ZBTB46: variants seen among roughly 807,000 people sequenced by gnomAD.
ZBTB46 encodes the protein zinc finger and BTB domain containing 46, also known as zinc finger and BTB domain-containing protein 46.
ZBTB46 carries 8 observed loss-of-function variants against 44.1 expected under a neutral mutation model. That is an observed-to-expected ratio of 0.18 (90% CI 0.11 to 0.33). The LOEUF (loss-of-function observed/expected upper bound fraction) is 0.33. Among genes scored for constraint, ZBTB46 ranks in the 10% least tolerant of loss-of-function variants. ZBTB46 has a pLI of 1.00. For missense variants in ZBTB46, 651 were observed against 847.7 expected (o/e 0.77, Z 2.88); for synonymous variants, 409 against 382.3 (o/e 1.07, Z -0.81).
chr20:63,832,088 GGGGACGAATGGCTCCGGGAGGGGGC>G (rs2146124699), upstream of ZBTB46, among the ~76,000 whole-genome samples: 1 of 151,954 alleles, frequency 6.6e-6, no homozygotes, highest in African/African-American at 2.4e-5. This position sits in a 1 kb window ranked among gnomAD's most constrained non-coding sequence, Gnocchi z 5.0. Flanking sequence ...GTTGTCTGCG[GGGGACGAATGGCTCCGGGAGGGGGC>G]GGGAACCAGC....
Position 63,752,973 on chromosome 20 carries a change from C to T in ZBTB46, c.1223-112G>A. The T allele has an allele frequency of 1.7e-6, 2 of 1,204,580 alleles. No homozygotes were observed. Among genetic ancestry groups the T allele is most frequent in the Admixed American group, 2.6e-5 (1 of 39,192 alleles). The allele number at this position is 1,204,580 out of a possible 1,614,324, so 74.6% of individuals were successfully genotyped here. The stretch of plus-strand genomic sequence containing the variant: ...AGCAGCCAGGACGGGCTGTCTCCCA[C>T]GGCCACCCACTGGGGGCTGGTCAGC... On this transcript the variant is annotated intron_variant, in intron 3 of 4. Transcript: ENST00000245663. The surrounding 1 kb of genome is among the most constrained non-coding windows in gnomAD (Gnocchi z 5.6).
At position 63,775,766 on chromosome 20, in the gene ZBTB46, G is replaced by A. The variant is rs757077443; in HGVS notation, c.1134C>T (p.Asn378=). The A allele has an allele frequency of 5.0e-6, 8 of 1,613,322 alleles. No individual in the cohort carries two copies. In the South Asian group the frequency reaches 5.5e-5, roughly 11 times the overall value. ...CGTCGGCCTTCAGCGACAGCAGGCT[G>A]TTCTTACTCATGAGCGCCGCGCGCA... ...ANLRAALMSK[N]SLLSLKADVL... Residue 378 remains asparagine, a synonymous_variant, in exon 3 of 5, where the codon AAC becomes AAT. Transcript: ENST00000245663.
At chr20:63,810,894 A>G (rs2092713850) in intron 1 of ZBTB46, among the ~76,000 whole-genome samples, 1 of 152,168 alleles carries the variant, frequency 6.6e-6, no homozygotes, top group Non-Finnish European at 1.5e-5. Context: ...CTCTTTCCTC[A>G]CTCCTACGAG....
intron 1 of ZBTB46, among the ~76,000 whole-genome samples, chr20:63,804,806 C>T (rs1432022859): frequency 4.0e-5 from 6 of 151,564 alleles, no homozygotes; most frequent in Non-Finnish European, 4.4e-5. Flanking sequence ...GCAGGAGAAT[C>T]GCTATAACCT....
intron 3 of ZBTB46, among the ~76,000 whole-genome samples, chr20:63,773,053 A>C (rs1372231112): frequency 6.6e-6 from 1 of 152,164 alleles, no homozygotes; most frequent in Non-Finnish European, 1.5e-5. Context: ...CACAGGGCCC[A>C]CAGCTCGTAT....
chr20:63,768,089 T>A (rs2092335889), intron 3 of ZBTB46: 1 of 985,306 alleles, frequency 1.0e-6, no homozygotes, highest in African/African-American at 1.7e-5. Flanking sequence ...TGTTGTCCAA[T>A]CACTACTAAG....
intron 1 of ZBTB46, among the ~76,000 whole-genome samples, chr20:63,830,857 G>C (rs1425411852): frequency 7.0e-6 from 1 of 143,206 alleles, no homozygotes; most frequent in Non-Finnish European, 1.5e-5. Flanking sequence ...CGCCGGCCTG[G>C]GGGGCACCCG....
At position 63,787,588 on chromosome 20, in the gene ZBTB46, T is replaced by A. The variant is rs2092526063; in HGVS notation, c.937+2233A>T. On this transcript the variant is annotated intron_variant, in intron 2 of 4. Coordinates refer to ENST00000245663, the MANE Select transcript of ZBTB46 (RefSeq NM_001369741.1). The surrounding 1 kb of genome is among the most constrained non-coding windows in gnomAD (Gnocchi z 4.6). ...CAGTGCTCAGCACCGTAACTAACAC[T>A]GGCAGGTTTGTGCTGGGCCTATAAC... 1 of 152,248 alleles carries A rather than the reference T, an allele frequency of 6.6e-6. No individual in the cohort carries two copies. The highest frequency in any genetic ancestry group is 1.5e-5 in the Non-Finnish European group (1 of 68,032). The allele number at this position is 152,248 out of a possible 1,614,324, so 9.4% of individuals were successfully genotyped here. A position where few individuals can be genotyped will look rare whatever the true frequency, so the allele number is the denominator to read the frequency against.
chr20:63,815,661 T>C (rs1337526230), intron 1 of ZBTB46, among the ~76,000 whole-genome samples: 1 of 139,146 alleles, frequency 7.2e-6, no homozygotes, highest in Non-Finnish European at 1.5e-5. Context: ...ATAGGTGCAG[T>C]GAGTGCAGGT....
chr20:63,819,156 G>A (rs947185347), intron 1 of ZBTB46, among the ~76,000 whole-genome samples: 1 of 152,236 alleles, frequency 6.6e-6, no homozygotes, highest in Non-Finnish European at 1.5e-5. Flanking sequence ...CTGGGCGACA[G>A]AGTGAGACTC....
rs1338117544 is a variant in ZBTB46 at position 63,746,333 on chromosome 20, G to A, written c.*597C>T. 1 of 152,898 alleles carries A rather than the reference G, an allele frequency of 6.5e-6. No homozygotes were observed. The highest frequency in any genetic ancestry group is 1.5e-5 in the Non-Finnish European group (1 of 68,152). 9.5% of individuals were successfully genotyped at this position (152,898 alleles called of 1,614,324 possible). On this transcript the variant is annotated 3_prime_UTR_variant, in exon 5 of 5. Coordinates refer to ENST00000245663, the MANE Select transcript of ZBTB46 (RefSeq NM_001369741.1). ...CCCTCGGCCTCCAGCAGGGTCTGCA[G>A]CTGTGTTGTGTGTTAAGCACCAAAG... is the stretch of plus-strand genomic sequence containing the variant.
chr20:63,789,810 G>A lies in ZBTB46; in HGVS notation c.937+11C>T. The A allele has an allele frequency of 6.2e-7, 1 of 1,600,698 alleles. No homozygotes were observed. Among genetic ancestry groups the A allele is most frequent in the Admixed American group, 1.7e-5 (1 of 59,776 alleles). Reference sequence around the variant, plus strand: ...GGGCAGCTGAGCCCCCGTAACGAGTGAAAGGCTTACTTGAGTCTCGGCTGC... The same window carrying A: ...GGGCAGCTGAGCCCCCGTAACGAGTAAAAGGCTTACTTGAGTCTCGGCTGC... On this transcript the variant is annotated intron_variant, in intron 2 of 4. Coordinates refer to ENST00000245663, the MANE Select transcript of ZBTB46 (RefSeq NM_001369741.1).
chr20:63,811,793 C>A (rs774500819), intron 1 of ZBTB46, among the ~76,000 whole-genome samples: 20 of 152,324 alleles, frequency 1.3e-4, no homozygotes, highest in Middle Eastern at 3.4e-3. Flanking sequence ...CAGGAACAAA[C>A]CCCTTTCATC....
At chr20:63,804,648 C>T (rs1314642224) in intron 1 of ZBTB46, among the ~76,000 whole-genome samples, 9 of 152,116 alleles carry the variant, frequency 5.9e-5, no homozygotes, top group Non-Finnish European at 1.3e-4. Context: ...AATCCCAGCA[C>T]TTTGGGAGGC....
chr20:63,798,879 A>G (rs2092623517), intron 1 of ZBTB46, among the ~76,000 whole-genome samples: 1 of 151,040 alleles, frequency 6.6e-6, no homozygotes, highest in Non-Finnish European at 1.5e-5. Context: ...CAGATAAATC[A>G]CCATTTTAAA....
intron 2 of ZBTB46, among the ~76,000 whole-genome samples, chr20:63,783,354 G>A (rs1047552103): frequency 5.9e-5 from 9 of 152,016 alleles, no homozygotes; most frequent in Non-Finnish European, 8.8e-5. Flanking sequence ...ACTTGAACCC[G>A]AGAGGCAGAG....
intron 2 of ZBTB46, among the ~76,000 whole-genome samples, chr20:63,778,717 T>G (rs66581209): frequency 0.1 from 15,339 of 152,264 alleles, 1,208 homozygotes; most frequent in East Asian, 0.45. Context: ...CAAACTCTAC[T>G]CTTTTTCCAA....
intron 1 of ZBTB46, among the ~76,000 whole-genome samples, chr20:63,804,020 G>A (rs2092666045): frequency 6.6e-6 from 1 of 152,128 alleles, no homozygotes; most frequent in Non-Finnish European, 1.5e-5. Context: ...CTTCTGTCGG[G>A]CGTCCCCAGC....
At chr20:63,808,357 GC>G (rs772986196) in intron 1 of ZBTB46, among the ~76,000 whole-genome samples, 1 of 152,202 alleles carries the variant, frequency 6.6e-6, no homozygotes, top group Non-Finnish European at 1.5e-5. Flanking sequence ...GCAGGGGAGG[GC>G]CCGGAAGGCA....
Sources: gnomAD v4.1 joint callset for allele counts (sites outside exome capture counted in the v4.1 genomes callset) on GRCh38, gnomAD v4.1.1 for gene constraint, Gnocchi (gnomAD v3.1) non-coding constraint, MANE v1.5 for transcripts, NCBI Gene and HGNC (gene_info 2026-07-23, HGNC 2026-07-21) for gene names.